Variants in PLD1 observed in about 807,000 individuals in gnomAD.
The protein encoded by PLD1 is choline phosphatase 1.
Under a neutral mutation model 137.1 loss-of-function variants are expected in PLD1, and 112 were observed. The observed-to-expected ratio is 0.82, with a 90% CI of 0.70 to 0.96. PLD1 has a LOEUF of 0.96. Among genes scored for constraint, PLD1 ranks in the 40% least tolerant of loss-of-function variants. PLD1 has a pLI of 0.00. For missense variants in PLD1, 1,321 were observed against 1,342.0 expected (o/e 0.98, Z 0.24); for synonymous variants, 431 against 454.7 (o/e 0.95, Z 0.66).
At chr3:171,620,298 G>T in intron 24 of PLD1, 88 bp downstream of exon 24, 2 of 884,658 alleles carry the variant, frequency 2.3e-6, no homozygotes, top group Non-Finnish European at 3.4e-6. Flanking sequence ...AAATGCAAAG[G>T]ATGCTTAGGA....
chr3:171,711,110 C>T (rs929841894), intron 9 of PLD1, among the ~76,000 whole-genome samples: 6 of 148,966 alleles, frequency 4.0e-5, no homozygotes, highest in African/African-American at 9.9e-5. Flanking sequence ...CTCAGGGGAT[C>T]GGCCTGCCTC....
intron 23 of PLD1, among the ~76,000 whole-genome samples, chr3:171,627,128 G>C (rs370789627): frequency 1.3e-5 from 2 of 152,054 alleles, no homozygotes; most frequent in African/African-American, 2.4e-5. Flanking sequence ...CACGTGCAGA[G>C]ACACACATAG....
chr3:171,606,697 G>A (rs1444333501), intron 25 of PLD1, among the ~76,000 whole-genome samples: 1 of 152,180 alleles, frequency 6.6e-6, no homozygotes, highest in Non-Finnish European at 1.5e-5. Flanking sequence ...TTAAATAAAT[G>A]TAGATTTGCA....
At chr3:171,604,932 G>A (rs142928205) in intron 26 of PLD1, among the ~76,000 whole-genome samples, 156 of 152,340 alleles carry the variant, frequency 1.0e-3, no homozygotes, top group Non-Finnish European at 1.9e-3. Context: ...TATAACACCA[G>A]CAACGGGGTG....
intron 1 of PLD1, among the ~76,000 whole-genome samples, chr3:171,801,695 C>T (rs145371020): frequency 1.3e-3 from 196 of 152,318 alleles, no homozygotes; most frequent in African/African-American, 4.6e-3. Flanking sequence ...TTCCAAAGTG[C>T]CGGGATAACA....
chr3:171,611,607 A>T (rs368574862), intron 25 of PLD1: 3 of 518,816 alleles, frequency 5.8e-6, no homozygotes, highest in Non-Finnish European at 1.2e-5. Flanking sequence ...AAGATCAGGG[A>T]TCTTCGACAC....
chr3:171,804,292 C>A (rs1723757629), intron 1 of PLD1, among the ~76,000 whole-genome samples: 1 of 152,108 alleles, frequency 6.6e-6, no homozygotes, highest in African/African-American at 2.4e-5. Flanking sequence ...CAGCTGTTTA[C>A]CCAAAATGCC....
chr3:171,615,853 TG>T (rs1733058960), intron 24 of PLD1, among the ~76,000 whole-genome samples: 1 of 152,212 alleles, frequency 6.6e-6, no homozygotes, highest in African/African-American at 2.4e-5. Context: ...GGTATAGACA[TG>T]TGTGAGTTTC....
chr3:171,605,566 T>G (rs1732142880), intron 25 of PLD1, 150 bp from the exon 26 acceptor site: 1 of 614,576 alleles, frequency 1.6e-6, no homozygotes, highest in East Asian at 2.8e-5. Flanking sequence ...ATCCTCAGAG[T>G]GCCTGACATA....
intron 11 of PLD1, 96 bp from the exon 12 acceptor site, chr3:171,699,922 C>A: frequency 1.1e-6 from 1 of 892,292 alleles, no homozygotes; most frequent in Non-Finnish European, 1.8e-6. Flanking sequence ...CCAATTCAAC[C>A]CCATTATCAT....
intron 25 of PLD1, among the ~76,000 whole-genome samples, chr3:171,605,683 A>G (rs1046513767): frequency 2.0e-5 from 3 of 152,226 alleles, no homozygotes; most frequent in African/African-American, 7.2e-5. Flanking sequence ...GAAAATTATA[A>G]TAACCCTTGT....
chr3:171,625,023 C>G (rs996360748), intron 23 of PLD1, among the ~76,000 whole-genome samples: 1 of 151,636 alleles, frequency 6.6e-6, no homozygotes, highest in Non-Finnish European at 1.5e-5. Context: ...CTATTGGAAG[C>G]ATAGTTCATG....
chr3:171,793,909 C>T (rs1046367565), intron 1 of PLD1: 1 of 152,014 alleles, frequency 6.6e-6, no homozygotes, highest in African/African-American at 2.4e-5. Flanking sequence ...TTTCGGAGGC[C>T]GAGGCGCATG....
intron 26 of PLD1, 64 bp downstream of exon 26, chr3:171,605,235 C>A: frequency 1.1e-6 from 1 of 940,118 alleles, no homozygotes; most frequent in Non-Finnish European, 1.8e-6. Flanking sequence ...GCAGAAATAA[C>A]AATATGCTTT....
intron 16 of PLD1, among the ~76,000 whole-genome samples, chr3:171,683,057 T>A (rs1325276243): frequency 1.3e-5 from 2 of 152,306 alleles, no homozygotes; most frequent in Admixed American, 1.3e-4. Flanking sequence ...CACGAACATA[T>A]TTTGATACAG....
chr3:171,709,539 C>T (rs1201369897), intron 10 of PLD1, 21 bp downstream of exon 10: 1 of 1,610,456 alleles, frequency 6.2e-7, no homozygotes, highest in East Asian at 2.2e-5. Flanking sequence ...CCTTGACAGG[C>T]TTAGAGAAAT....
At chr3:171,659,472 C>G (rs1016962245) in intron 20 of PLD1, among the ~76,000 whole-genome samples, 171 bp from the exon 21 acceptor site, 2 of 152,208 alleles carry the variant, frequency 1.3e-5, no homozygotes, top group Non-Finnish European at 2.9e-5. Context: ...TCATCTCACT[C>G]AGGGTCTCAT....
intron 1 of PLD1, among the ~76,000 whole-genome samples, chr3:171,790,328 C>T (rs1019659378): frequency 6.6e-6 from 1 of 152,202 alleles, no homozygotes; most frequent in African/African-American, 2.4e-5. Flanking sequence ...TAATAAATCC[C>T]TTAATGCATG....
intron 21 of PLD1, 41 bp downstream of exon 21, chr3:171,659,172 A>C (rs760955780): frequency 2.4e-6 from 3 of 1,268,244 alleles, no homozygotes; most frequent in South Asian, 1.2e-5. Context: ...TAATAAATAC[A>C]AGAACATCTG....
Sources: gnomAD v4.1 joint callset for allele counts (sites outside exome capture counted in the v4.1 genomes callset) on GRCh38, gnomAD v4.1.1 for gene constraint, MANE v1.5 for transcripts, NCBI Gene and HGNC (gene_info 2026-07-23, HGNC 2026-07-21) for gene names.